Variants in AOAH observed in about 807,000 individuals in gnomAD.
The protein encoded by AOAH is acyloxyacyl hydrolase, also known as acyloxyacyl hydrolase (neutrophil).
AOAH carries 64 observed loss-of-function variants against 92.2 expected under a neutral mutation model. The observed-to-expected ratio is 0.69, with a 90% CI of 0.57 to 0.86. AOAH has a LOEUF of 0.86. AOAH is among the 40% of genes least tolerant of loss of function. The pLI is 0.00. For missense variants in AOAH, 656 were observed against 694.6 expected (o/e 0.94, Z 0.62); for synonymous variants, 263 against 254.5 (o/e 1.03, Z -0.32).
At chr7:36,654,773 T>C (rs1051249737) in intron 4 of AOAH, among the ~76,000 whole-genome samples, 3 of 152,178 alleles carry the variant, frequency 2.0e-5, no homozygotes, top group Non-Finnish European at 2.9e-5. Context: ...TTCCATTCAA[T>C]GTGACAACAC....
intron 5 of AOAH, among the ~76,000 whole-genome samples, chr7:36,635,989 G>A (rs551766398): frequency 2.3e-4 from 35 of 152,252 alleles, no homozygotes; most frequent in African/African-American, 8.4e-4. Context: ...GCTTTATCTG[G>A]AATGTTTGAT....
intron 2 of AOAH, among the ~76,000 whole-genome samples, chr7:36,686,162 C>T (rs972052391): frequency 1.5e-4 from 23 of 152,170 alleles, no homozygotes; most frequent in African/African-American, 5.6e-4. Context: ...AACCACCAAT[C>T]AGTTTCTACC....
chr7:36,704,114 T>C (rs998406200), intron 1 of AOAH, among the ~76,000 whole-genome samples: 1 of 151,406 alleles, frequency 6.6e-6, no homozygotes, highest in Non-Finnish European at 1.5e-5. Context: ...GATGATGAGG[T>C]TTTTTTTTCA....
chr7:36,656,432 C>T (rs546567856), intron 4 of AOAH, among the ~76,000 whole-genome samples: 16 of 152,288 alleles, frequency 1.1e-4, no homozygotes, highest in Admixed American at 8.5e-4. Flanking sequence ...ACATTATCTA[C>T]GTCTGCATTT....
At chr7:36,521,897 C>T in intron 20 of AOAH, 142 bp downstream of exon 20, 2 of 631,132 alleles carry the variant, frequency 3.2e-6, no homozygotes, top group South Asian at 2.1e-5. Flanking sequence ...ATTAAATCTT[C>T]TATCCTATAC....
intron 4 of AOAH, 109 bp downstream of exon 4, chr7:36,659,057 T>G: frequency 2.2e-6 from 2 of 900,894 alleles, no homozygotes; most frequent in Non-Finnish European, 3.7e-6. Context: ...ATCTTGCCTC[T>G]CCCTGTCCCC....
chr7:36,612,112 T>C (rs536700874), intron 11 of AOAH, among the ~76,000 whole-genome samples: 134 of 152,236 alleles, frequency 8.8e-4, no homozygotes, highest in African/African-American at 3.0e-3. Context: ...CAAACAAATC[T>C]CCAAGATCTT....
chr7:36,521,110 A>T (rs527530461), intron 20 of AOAH, among the ~76,000 whole-genome samples: 1 of 151,890 alleles, frequency 6.6e-6, no homozygotes, highest in South Asian at 2.1e-4. Flanking sequence ...TCTTGAGGGG[A>T]CAATCAGCCC....
chr7:36,711,162 A>G (rs71539804), intron 1 of AOAH, among the ~76,000 whole-genome samples: 74 of 152,292 alleles, frequency 4.9e-4, no homozygotes, highest in South Asian at 1.0e-3. Flanking sequence ...TAATGTCTTC[A>G]TTTAGAGACA....
chr7:36,607,799 C>T (rs921159399), intron 11 of AOAH, among the ~76,000 whole-genome samples: 5 of 152,116 alleles, frequency 3.3e-5, no homozygotes, highest in Non-Finnish European at 7.3e-5. Context: ...CTGAGACTTG[C>T]GGTGGAGGGA....
chr7:36,515,658 A>C (rs1423284747), intron 20 of AOAH, among the ~76,000 whole-genome samples: 2 of 113,282 alleles, frequency 1.8e-5, no homozygotes, highest in Admixed American at 1.0e-4. Flanking sequence ...CACCACACAC[A>C]CACCACACCC....
chr7:36,625,439 A>T (rs1792585063), intron 6 of AOAH, among the ~76,000 whole-genome samples: 1 of 152,110 alleles, frequency 6.6e-6, no homozygotes, highest in Admixed American at 6.5e-5. Context: ...GTTTATTGGG[A>T]GGATTAAGGG....
intron 20 of AOAH, among the ~76,000 whole-genome samples, 162 bp from the exon 21 acceptor site, chr7:36,513,542 C>T (rs1790165825): frequency 6.6e-6 from 1 of 152,236 alleles, no homozygotes. Context: ...GGCGGTGGGA[C>T]CTATCACTTG....
chr7:36,671,373 T>C lies in AOAH; in HGVS notation c.290+2570A>G, dbSNP rs372485444. Among the ~76,000 whole-genome samples the C allele has an allele frequency of 3.3e-5, 5 of 152,278 alleles. No individual in the cohort carries two copies. In the South Asian group the frequency reaches 1.0e-3, roughly 32 times the overall value. On this transcript the variant is annotated intron_variant, in intron 3 of 20. Coordinates refer to ENST00000617537, the MANE Select transcript of AOAH (RefSeq NM_001637.4). The stretch of plus-strand genomic sequence containing the variant: ...TTTCTTTTTTACTTTCATAAACATA[T>C]AGTCAGTATTTTGCTAAGTACCTGC...
intron 19 of AOAH, 109 bp from the exon 20 acceptor site, chr7:36,522,224 C>A (rs922979938): frequency 2.3e-6 from 2 of 880,318 alleles, no homozygotes; most frequent in African/African-American, 1.6e-5. Context: ...CCATGTTGAC[C>A]AAGCCACGGC....
chr7:36,713,329 A>G (rs1305072642), intron 1 of AOAH, among the ~76,000 whole-genome samples: 1 of 152,154 alleles, frequency 6.6e-6, no homozygotes, highest in Non-Finnish European at 1.5e-5. Flanking sequence ...TTCATAAAGC[A>G]AGTCCTTAGA....
At chr7:36,670,568 G>A (rs1372510474) in intron 3 of AOAH, among the ~76,000 whole-genome samples, 3 of 152,158 alleles carry the variant, frequency 2.0e-5, no homozygotes, top group South Asian at 2.1e-4. Context: ...TCGGTCTCCA[G>A]GGCTCAAGCG....
intron 3 of AOAH, among the ~76,000 whole-genome samples, chr7:36,672,757 G>A (rs1481365257): frequency 6.6e-6 from 1 of 152,024 alleles, no homozygotes; most frequent in Non-Finnish European, 1.5e-5. Context: ...TGCATGTTCA[G>A]CACATGTATC....
At chr7:36,666,638 G>C (rs1414326432) in intron 3 of AOAH, among the ~76,000 whole-genome samples, 1 of 151,570 alleles carries the variant, frequency 6.6e-6, no homozygotes, top group Admixed American at 6.6e-5. Flanking sequence ...TCATTTTCTA[G>C]TTTCTTAAGG....
Sources: allele counts gnomAD v4.1 joint callset (sites outside exome capture counted in the v4.1 genomes callset), GRCh38; gene constraint gnomAD v4.1.1; transcripts MANE v1.5; gene names NCBI Gene and HGNC (gene_info 2026-07-23, HGNC 2026-07-21).